MAGI2: variants seen among roughly 807,000 people sequenced by gnomAD.
MAGI2 encodes the protein membrane associated guanylate kinase, WW and PDZ domain containing 2.
A neutral mutation model predicts 133.3 loss-of-function variants in MAGI2; 35 were observed. The ratio of observed to expected loss-of-function variants is 0.26; its 90% CI spans 0.20 to 0.35. The LOEUF (loss-of-function observed/expected upper bound fraction) is 0.35. MAGI2 is among the 10% of genes least tolerant of loss of function. The pLI, the probability that MAGI2 is intolerant of heterozygous loss-of-function variation, is 1.00. For missense variants in MAGI2, 1,636 were observed against 1,863.4 expected, an observed-to-expected ratio of 0.88 and a Z score of 2.25; for synonymous variants, 729 against 710.6, an observed-to-expected ratio of 1.03 and a Z score of -0.41.
chr7:78,270,896 C>T (rs1209647463), intron 9 of MAGI2, among the ~76,000 whole-genome samples: 1 of 151,614 alleles, frequency 6.6e-6, no homozygotes, highest in African/African-American at 2.4e-5. Context: ...GGAAGTATTG[C>T]ACATAATTGC....
chr7:78,671,654 C>A (rs1447686041), intron 2 of MAGI2, among the ~76,000 whole-genome samples: 2 of 152,082 alleles, frequency 1.3e-5, no homozygotes, highest in African/African-American at 4.8e-5. Context: ...TAACCATAAT[C>A]ACTTGGCACT....
At position 79,189,925 on chromosome 7, in the gene MAGI2, G is replaced by A. The variant is rs376255309; in HGVS notation, c.302-182719C>T. On this transcript the variant is annotated intron_variant, in intron 1 of 21. Coordinates refer to ENST00000354212, the MANE Select transcript of MAGI2 (RefSeq NM_012301.4). ...TTTTACTTAGTAATATGCACTTAAG[G>A]TCCCTCCCTGTCTTTTTATGGCTTA... Among the ~76,000 whole-genome samples, 16 of 151,540 alleles carry A rather than the reference G, an allele frequency of 1.1e-4. No homozygotes were observed. In the East Asian group the frequency reaches 1.7e-3, roughly 16 times the overall value.
chr7:78,871,013 T>C (rs946081533), intron 2 of MAGI2, among the ~76,000 whole-genome samples: 5 of 152,010 alleles, frequency 3.3e-5, no homozygotes, highest in Non-Finnish European at 7.4e-5. Flanking sequence ...CCCAAATGCA[T>C]AAGAACAATC....
At chr7:79,371,059 A>C (rs947987028) in intron 1 of MAGI2, among the ~76,000 whole-genome samples, 24 of 152,086 alleles carry the variant, frequency 1.6e-4, no homozygotes, top group African/African-American at 5.8e-4. Flanking sequence ...CATTTCTACC[A>C]ATGTCTAATG....
At chr7:78,317,694 G>GAGACACCTCTCAGGAGGGGCCGAC (rs1473160339) in intron 9 of MAGI2, among the ~76,000 whole-genome samples, 15 of 152,288 alleles carry the variant, frequency 9.8e-5, no homozygotes, top group Middle Eastern at 3.4e-3. Context: ...TCCTGACTGG[G>GAGACACCTCTCAGGAGGGGCCGAC]AGACACCTCT....
At chr7:79,250,772 G>T (rs921210734) in intron 1 of MAGI2, among the ~76,000 whole-genome samples, 1 of 151,984 alleles carries the variant, frequency 6.6e-6, no homozygotes, top group Non-Finnish European at 1.5e-5. Flanking sequence ...AACCATAAAA[G>T]ACCTAGAATA....
intron 1 of MAGI2, among the ~76,000 whole-genome samples, chr7:79,018,371 C>T (rs1400331027): frequency 1.3e-5 from 2 of 152,080 alleles, no homozygotes; most frequent in African/African-American, 4.8e-5. Flanking sequence ...ACTATCAGAC[C>T]TGCCTTTCAA....
intron 1 of MAGI2, among the ~76,000 whole-genome samples, chr7:79,346,564 T>C (rs1841328088): frequency 6.6e-6 from 1 of 151,976 alleles, no homozygotes; most frequent in Non-Finnish European, 1.5e-5. Context: ...GCAATAAGGC[T>C]CTCTGCAACT....
At chr7:78,189,784 G>A (rs1309623253) in intron 12 of MAGI2, among the ~76,000 whole-genome samples, 7 of 152,172 alleles carry the variant, frequency 4.6e-5, no homozygotes, top group Non-Finnish European at 2.9e-5. Context: ...CCCAAGAAAT[G>A]TCCCCATGAG....
intron 2 of MAGI2, among the ~76,000 whole-genome samples, chr7:78,870,843 T>C (rs1014662792): frequency 6.6e-6 from 1 of 152,122 alleles, no homozygotes; most frequent in Admixed American, 6.5e-5. Flanking sequence ...ACGGTATATA[T>C]ACACCATGGA....
chr7:79,387,526 T>C (rs1844279333), intron 1 of MAGI2, among the ~76,000 whole-genome samples: 2 of 152,036 alleles, frequency 1.3e-5, no homozygotes, highest in African/African-American at 4.8e-5. Flanking sequence ...GAGGTTTTTT[T>C]CCAGAAATTA....
chr7:78,994,279 C>T (rs772282225), intron 2 of MAGI2, among the ~76,000 whole-genome samples: 6 of 152,088 alleles, frequency 3.9e-5, no homozygotes, highest in Non-Finnish European at 5.9e-5. Flanking sequence ...CTGAAGTGAA[C>T]AGCACTGCTG....
intron 2 of MAGI2, among the ~76,000 whole-genome samples, chr7:78,689,521 A>T (rs1563357732): frequency 6.6e-6 from 1 of 152,104 alleles, no homozygotes; most frequent in Non-Finnish European, 1.5e-5. Context: ...TAATATTTCC[A>T]TCACCTCAAA....
Position 78,556,763 on chromosome 7 carries a change from A to G in MAGI2, c.539-35118T>C, listed in dbSNP as rs573779521. ...CTTCTCTTTCCTGTGTGAAAGCCAC[A>G]CTTCCTCTTTTGGAATCCTCCACTT... On this transcript the variant is annotated intron_variant, in intron 3 of 21. Transcript: ENST00000354212. Among the ~76,000 whole-genome samples the G allele has an allele frequency of 1.5e-4, 23 of 152,160 alleles. No homozygotes were observed. The South Asian group carries it at 4.2e-3, about 27-fold the overall frequency.
chr7:78,980,833 G>A (rs1804718492), intron 2 of MAGI2, among the ~76,000 whole-genome samples: 1 of 151,570 alleles, frequency 6.6e-6, no homozygotes, highest in Admixed American at 6.6e-5. Context: ...TTCAGAGAAG[G>A]TGTATCTGTT....
intron 2 of MAGI2, chr7:78,946,792 A>G (rs935811132): frequency 2.0e-5 from 3 of 152,184 alleles, no homozygotes; most frequent in African/African-American, 7.2e-5. Flanking sequence ...ATCTGTTTAT[A>G]TTGGGTCTTC....
At chr7:78,668,872 T>A (rs542038265) in intron 2 of MAGI2, among the ~76,000 whole-genome samples, 18 of 150,532 alleles carry the variant, frequency 1.2e-4, no homozygotes, top group Non-Finnish European at 2.2e-4. Flanking sequence ...TTGAAACCAA[T>A]GAGAACAAAG....
intron 3 of MAGI2, among the ~76,000 whole-genome samples, chr7:78,578,379 T>G (rs1419355016): frequency 6.6e-6 from 1 of 152,004 alleles, no homozygotes; most frequent in Non-Finnish European, 1.5e-5. Context: ...TGGAAACCAA[T>G]GTAAACCCAT....
chr7:78,452,470 C>G (rs4314593), intron 6 of MAGI2, among the ~76,000 whole-genome samples: 115,663 of 151,778 alleles, frequency 0.76, 47,151 homozygotes, highest in Non-Finnish European at 0.91. Context: ...GATAAGAACA[C>G]TATACTATCT....
Sources: gnomAD v4.1 joint callset for allele counts (sites outside exome capture counted in the v4.1 genomes callset) on GRCh38, gnomAD v4.1.1 for gene constraint, MANE v1.5 for transcripts, NCBI Gene and HGNC (gene_info 2026-07-23, HGNC 2026-07-21) for gene names.